CHD7: variants seen among roughly 807,000 people sequenced by gnomAD.
CHD7 encodes ATP-dependent chromatin remodeler CHD7.
Under a neutral mutation model 307.3 loss-of-function variants are expected in CHD7, and 24 were observed. That is an observed-to-expected ratio of 0.08 (90% confidence interval 0.06 to 0.11). The LOEUF is 0.11. CHD7 is among the 10% of genes least tolerant of loss of function. The pLI is 1.00. For synonymous variants in CHD7, 1,363 were observed against 1,349.9 expected (o/e 1.01, Z -0.21); for missense variants, 3,106 against 3,727.1 (o/e 0.83, Z 4.34).
intron 1 of CHD7, among the ~76,000 whole-genome samples, chr8:60,687,932 C>T (rs1408573258): frequency 6.6e-6 from 1 of 152,226 alleles, no homozygotes; most frequent in Middle Eastern, 3.2e-3. Context: ...CTGGAGCTTG[C>T]ATTGTTGCCG....
chr8:60,701,696 G>C (rs774962228), intron 1 of CHD7, among the ~76,000 whole-genome samples: 3 of 152,220 alleles, frequency 2.0e-5, no homozygotes, highest in Non-Finnish European at 4.4e-5. Flanking sequence ...AGGTAGGTTT[G>C]GGTAAGGAAA....
rs1412248058 is a variant in CHD7, at chr8:60,811,054, G to A, written c.2498+2782G>A. 2.0e-5 allele frequency among the ~76,000 whole-genome samples: 3 copies of A among 152,242 alleles called. No homozygotes were observed. The East Asian group carries it at 5.8e-4, about 29-fold the overall frequency. On this transcript the variant is annotated intron_variant, in intron 7 of 37. Transcript: ENST00000423902. ...CTAATGCCTGATCTGAGGTGCAACC[G>A]TTTCATTCCAAACTGCCCTCCACCA...
intron 4 of CHD7, among the ~76,000 whole-genome samples, chr8:60,798,832 T>G (rs1282138404): frequency 6.6e-6 from 1 of 152,220 alleles, no homozygotes; most frequent in Non-Finnish European, 1.5e-5. Flanking sequence ...AATTTAGATT[T>G]GACATACATA....
At chr8:60,745,351 T>C (rs900244145) in intron 2 of CHD7, among the ~76,000 whole-genome samples, 7 of 152,176 alleles carry the variant, frequency 4.6e-5, no homozygotes, top group African/African-American at 1.7e-4. Flanking sequence ...TGGATGAGAA[T>C]TGTTGCTCTC....
At chr8:60,706,101 C>A (rs1333606352) in intron 1 of CHD7, among the ~76,000 whole-genome samples, 1 of 151,986 alleles carries the variant, frequency 6.6e-6, no homozygotes, top group Admixed American at 6.6e-5. Context: ...CTGAGCTATG[C>A]AGTTCCAAAG....
chr8:60,848,651 G>A (rs1047118469), intron 24 of CHD7, 47 bp downstream of exon 24: 2 of 1,432,792 alleles, frequency 1.4e-6, no homozygotes, highest in Non-Finnish European at 9.8e-7. Flanking sequence ...AGATAATCTG[G>A]GTAGCCGGAA....
At chr8:60,733,039 A>G (rs899362673) in intron 1 of CHD7, among the ~76,000 whole-genome samples, 1 of 152,024 alleles carries the variant, frequency 6.6e-6, no homozygotes, top group Admixed American at 6.6e-5. Flanking sequence ...GTTCAAGACC[A>G]GTTTGGGCAA....
At position 60,823,902 on chromosome 8, in the gene CHD7, G is replaced by A. The variant is rs533167747; in HGVS notation, c.3264G>A (p.Leu1088=). 6.2e-7 allele frequency: 1 copy of A among 1,613,898 alleles called. No homozygotes were observed. Among genetic ancestry groups the A allele is most frequent in the East Asian group, 2.2e-5 (1 of 44,888 alleles). Reference sequence around the variant, plus strand: ...TCATCACTACATTTGAGATGATTTTGACTGATTGTCCTGAGCTGCGGAATA... The same window carrying A: ...TCATCACTACATTTGAGATGATTTTAACTGATTGTCCTGAGCTGCGGAATA... ...HAIITTFEMI[L]TDCPELRNIP... is the part of the protein sequence containing the mutation. Residue 1088 remains leucine, a synonymous_variant, in exon 13 of 38, where the codon TTG becomes TTA. Transcript: ENST00000423902.
chr8:60,785,495 T>C (rs1291245020), intron 3 of CHD7, among the ~76,000 whole-genome samples: 1 of 152,222 alleles, frequency 6.6e-6, no homozygotes, highest in African/African-American at 2.4e-5. Context: ...ATCATTATCA[T>C]TAATAGTAGT....
intron 2 of CHD7, among the ~76,000 whole-genome samples, chr8:60,745,949 C>T (rs1051468315): frequency 6.6e-6 from 1 of 152,214 alleles, no homozygotes; most frequent in Non-Finnish European, 1.5e-5. Flanking sequence ...TAATTCTCCT[C>T]TAATTTTAGC....
rs116701602 is a variant in CHD7 at position 60,705,058 on chromosome 8, A to G, written c.-175+25976A>G. 4.6e-3 allele frequency among the ~76,000 whole-genome samples: 707 copies of G among 152,298 alleles called. 2 individuals carry two copies. The highest frequency in any genetic ancestry group is 0.016 in the African/African-American group (666 of 41,554). ...CATAGGAGCTCTGAATGTGATATAA[A>G]ATCTGATCCAATTGAGAGGTGAGCT... On this transcript the variant is annotated intron_variant, in intron 1 of 37. Transcript: ENST00000423902.
At chr8:60,815,915 C>G (rs1803716482) in intron 7 of CHD7, among the ~76,000 whole-genome samples, 1 of 152,184 alleles carries the variant, frequency 6.6e-6, no homozygotes, top group African/African-American at 2.4e-5. Flanking sequence ...TCCAAAGAAA[C>G]TGCTATTTTA....
At chr8:60,757,250 A>G (rs1401815892) in intron 2 of CHD7, among the ~76,000 whole-genome samples, 1 of 152,164 alleles carries the variant, frequency 6.6e-6, no homozygotes, top group Non-Finnish European at 1.5e-5. Flanking sequence ...AGCACTTGAA[A>G]TGGGGCTAGT....
intron 2 of CHD7, among the ~76,000 whole-genome samples, chr8:60,764,344 A>G (rs1165457833): frequency 6.6e-6 from 1 of 152,216 alleles, no homozygotes; most frequent in Non-Finnish European, 1.5e-5. Context: ...TTATTTAAAA[A>G]TTATGTACAA....
At chr8:60,816,246 A>G (rs1347343032) in intron 7 of CHD7, 141 bp from the exon 8 acceptor site, 5 of 580,118 alleles carry the variant, frequency 8.6e-6, no homozygotes, top group Non-Finnish European at 1.2e-5. Flanking sequence ...AGTGGTGGGT[A>G]TATTAAATGT....
At chr8:60,856,369 T>A (rs987255989) in intron 33 of CHD7, 76 bp from the exon 34 acceptor site, 40 of 1,406,722 alleles carry the variant, frequency 2.8e-5, no homozygotes, top group Admixed American at 7.9e-5. Flanking sequence ...TCTTGTTCCT[T>A]ATTTCTAAAA....
intron 2 of CHD7, among the ~76,000 whole-genome samples, chr8:60,771,289 A>T (rs981717974): frequency 1.3e-5 from 2 of 152,232 alleles, no homozygotes; most frequent in African/African-American, 4.8e-5. Flanking sequence ...GACACTTTAC[A>T]GGTTGACTAT....
chr8:60,742,462 G>T lies in CHD7; in HGVS notation c.1030G>T (p.Val344Leu). 1.2e-6 allele frequency: 2 copies of T among 1,613,938 alleles called. No individual in the cohort carries two copies. The highest frequency in any genetic ancestry group is 2.2e-5 in the South Asian group (2 of 91,072). Residue 344 changes from valine to leucine, a missense_variant, in exon 2 of 38, where the codon GTA becomes TTA. Physicochemically the swap from Val to Leu is conservative, Grantham distance 32 (BLOSUM62 1). Coordinates refer to ENST00000423902, the MANE Select transcript of CHD7 (RefSeq NM_017780.4). ...LTNNTPMNQS[V>L]PRYPNAVGFP... The stretch of plus-strand genomic sequence containing the variant: ...AAATAATACTCCAATGAATCAGTCC[G>T]TACCAAGATACCCCAATGCTGTAGG...
chr8:60,835,347 G>T (rs1321881362), intron 15 of CHD7, among the ~76,000 whole-genome samples: 1 of 152,308 alleles, frequency 6.6e-6, no homozygotes, highest in African/African-American at 2.4e-5. Context: ...GAAAAGAAGG[G>T]TTTAAGCATA....
Sources: allele counts gnomAD v4.1 joint callset (sites outside exome capture counted in the v4.1 genomes callset), GRCh38; gene constraint gnomAD v4.1.1; transcripts MANE v1.5; gene names NCBI Gene and HGNC (gene_info 2026-07-23, HGNC 2026-07-21).